SORBS3: variants seen among roughly 807,000 people sequenced by gnomAD.
SORBS3 encodes sorbin and SH3 domain containing 3.
SORBS3 carries 69 observed loss-of-function variants against 98.0 expected under a neutral mutation model. That is an observed-to-expected ratio of 0.70 (90% CI 0.58 to 0.86). The LOEUF (loss-of-function observed/expected upper bound fraction) is 0.86. SORBS3 is among the 40% of genes least tolerant of loss of function. SORBS3 has a pLI of 0.00. For synonymous variants in SORBS3, 394 were observed against 355.4 expected (o/e 1.11, Z -1.22); for missense variants, 954 against 908.5 (o/e 1.05, Z -0.64).
chr8:22,549,333 A>C (rs1237936405), upstream of SORBS3, among the ~76,000 whole-genome samples: 1 of 152,190 alleles, frequency 6.6e-6, no homozygotes, highest in African/African-American at 2.4e-5. Flanking sequence ...CTTATCTAGG[A>C]CAATCTTCCC....
intron 11 of SORBS3, 81 bp downstream of exon 11, chr8:22,565,435 T>C (rs1840387838): frequency 8.5e-7 from 1 of 1,173,774 alleles, no homozygotes; most frequent in Non-Finnish European, 1.2e-6. Flanking sequence ...GCGGCTGGGC[T>C]GGGCGGAGGA....
At chr8:22,560,056 CAAA>C (rs968530613) in intron 5 of SORBS3, among the ~76,000 whole-genome samples, 6 of 96,710 alleles carry the variant, frequency 6.2e-5, no homozygotes, top group African/African-American at 8.3e-5. Flanking sequence ...GACTCAGTCT[CAAA>C]AAAAAAAAAA....
chr8:22,552,802 C>T (rs1018769722), intron 1 of SORBS3, among the ~76,000 whole-genome samples: 2 of 152,216 alleles, frequency 1.3e-5, no homozygotes, highest in Admixed American at 1.3e-4. Context: ...CCTTCCACCC[C>T]ACCCTGCCTC....
intron 20 of SORBS3, among the ~76,000 whole-genome samples, chr8:22,572,659 G>A (rs1209055984): frequency 6.6e-6 from 1 of 152,260 alleles, no homozygotes; most frequent in Non-Finnish European, 1.5e-5. Flanking sequence ...CAAGGCCCAG[G>A]AGGAAACTGG....
chr8:22,567,305 C>T, intron 16 of SORBS3, 130 bp downstream of exon 16: 1 of 660,996 alleles, frequency 1.5e-6, no homozygotes, highest in East Asian at 2.7e-5. Flanking sequence ...CGGAACTGTC[C>T]TTGGCCCCCA....
rs1280680408 is a variant in SORBS3 at position 22,575,091 on chromosome 8, C to T, written c.*363C>T. 3 of 412,126 alleles carry T rather than the reference C, an allele frequency of 7.3e-6. No homozygotes were observed. In the East Asian group the frequency reaches 2.0e-4, roughly 27 times the overall value. The allele number at this position is 412,126 out of a possible 1,614,324, so 25.5% of individuals were successfully genotyped here. On this transcript the variant is annotated 3_prime_UTR_variant, in exon 21 of 21. Transcript: ENST00000240123. ...AGGGACCAGCTCTCCGCTTTGCCCC[C>T]ACGGGGTTCCTCTAACCAGAACCAG... is the stretch of plus-strand genomic sequence containing the variant.
chr8:22,566,672 T>G lies in SORBS3; in HGVS notation c.1102T>G (p.Ser368Ala). 1.9e-6 allele frequency: 3 copies of G among 1,608,532 alleles called. No homozygotes were observed. The highest frequency in any genetic ancestry group is 2.5e-6 in the Non-Finnish European group (3 of 1,178,354). Residue 368 changes from serine to alanine, a missense_variant, in exon 14 of 21, where the codon TCT becomes GCT. Physicochemically the swap from Ser to Ala is moderately conservative, Grantham distance 99. Coordinates refer to ENST00000240123, the MANE Select transcript of SORBS3 (RefSeq NM_005775.5). ...YPSSTRDPSA[S>A]NGGGSPARRE... ...GTGCTTCTCCACAGACCCTAGTGCC[T>G]CTAACGGAGGGGGCAGCCCAGCCAG...
At chr8:22,562,311 G>A (rs1453441637) in intron 7 of SORBS3, among the ~76,000 whole-genome samples, 2 of 152,208 alleles carry the variant, frequency 1.3e-5, no homozygotes, top group Admixed American at 6.5e-5. Flanking sequence ...TGGACCTGGC[G>A]CTGTCCACTT....
rs929829442 is a variant in SORBS3, at chr8:22,565,098, C to T, written c.817-170C>T. 11 of 1,447,318 alleles carry T rather than the reference C, an allele frequency of 7.6e-6. No homozygotes were observed. The Admixed American group carries it at 2.8e-4, about 36-fold the overall frequency. The allele number at this position is 1,447,318 out of a possible 1,614,324, so 89.7% of individuals were successfully genotyped here. On this transcript the variant is annotated intron_variant, in intron 10 of 20. Transcript: ENST00000240123. ...GGTGAGAGGCCGTGGCGGGGATGCCCTCTTGGCACCCTGGGCCACACCTCC... is the reference window on the plus strand; with the variant it reads ...GGTGAGAGGCCGTGGCGGGGATGCCTTCTTGGCACCCTGGGCCACACCTCC...
intron 11 of SORBS3, 196 bp downstream of exon 11, chr8:22,565,550 G>C: frequency 1.7e-6 from 1 of 579,588 alleles, no homozygotes; most frequent in Non-Finnish European, 2.6e-6. Flanking sequence ...GTCGACTTTC[G>C]CAAGTGACCC....
intron 3 of SORBS3, 26 bp from the exon 4 acceptor site, chr8:22,556,689 A>G: frequency 1.9e-6 from 3 of 1,610,778 alleles, no homozygotes; most frequent in Non-Finnish European, 2.5e-6. Context: ...GCCTTTCACT[A>G]ATGCTCTCCT....
chr8:22,572,384 TG>T lies in SORBS3; in HGVS notation c.1894del (p.Glu632SerfsTer98). On this transcript the variant is annotated frameshift_variant, in exon 20 of 21. Coordinates refer to ENST00000240123, the MANE Select transcript of SORBS3 (RefSeq NM_005775.5). LOFTEE classifies it high-confidence loss of function. ...TACAGGCCCCAGAACGAAGACGAGC[TG>T]GAGCTGCGCGAGGGGGACAGGGTGG... ...YQYRPQNEDE[L>X]ELREGDRVDV... 1.2e-6 allele frequency: 2 copies of T among 1,614,034 alleles called. No homozygotes were observed. The highest frequency in any genetic ancestry group is 1.7e-6 in the Non-Finnish European group (2 of 1,179,962).
At chr8:22,545,168 T>C (rs1840004211) in intron 1 of SORBS3, 1 of 152,338 alleles carries the variant, frequency 6.6e-6, no homozygotes, top group Non-Finnish European at 1.5e-5. Flanking sequence ...AGCAGTGGAT[T>C]GAGGAGGGTC....
Position 22,551,944 on chromosome 8 carries a change from C to T in SORBS3, c.-134C>T, listed in dbSNP as rs1760642979. ...TCCTTGCCCTTCCTCCTCGAGCGCC[C>T]GCGCCAGGCAGCAGCCGGGCAGGGA... On this transcript the variant is annotated 5_prime_UTR_variant, in exon 1 of 21. Coordinates refer to ENST00000240123, the MANE Select transcript of SORBS3 (RefSeq NM_005775.5). This position sits in a 1 kb window ranked among gnomAD's most constrained non-coding sequence, Gnocchi z 5.8. The T allele has an allele frequency of 1.0e-6, 1 of 985,466 alleles. No homozygotes were observed. The highest frequency in any genetic ancestry group is 1.2e-6 in the Non-Finnish European group (1 of 830,012). 61.0% of individuals were successfully genotyped at this position (985,466 alleles called of 1,614,324 possible).
upstream of SORBS3, among the ~76,000 whole-genome samples, chr8:22,547,345 A>G (rs1005387209): frequency 1.3e-5 from 2 of 151,032 alleles, no homozygotes; most frequent in African/African-American, 4.9e-5. Flanking sequence ...TTTTTATCAC[A>G]ACTTTCAGGC....
At chr8:22,550,712 C>G (rs953640706), upstream of SORBS3, among the ~76,000 whole-genome samples, 1 of 152,216 alleles carries the variant, frequency 6.6e-6, no homozygotes, top group African/African-American at 2.4e-5. Flanking sequence ...GGAAAACACT[C>G]CAAAACTCCT....
intron 6 of SORBS3, 187 bp from the exon 7 acceptor site, chr8:22,561,678 T>C (rs2469764): frequency 0.73 from 453,791 of 625,460 alleles, 165,885 homozygotes; most frequent in African/African-American, 0.88. Context: ...ATGTAGTAAA[T>C]GTCGTAAAGC....
At chr8:22,548,170 G>A (rs539787781), upstream of SORBS3, among the ~76,000 whole-genome samples, 2 of 152,262 alleles carry the variant, frequency 1.3e-5, no homozygotes, top group South Asian at 2.1e-4. Context: ...GATGAGCCAC[G>A]TCATGCCATT....
chr8:22,555,713 T>C (rs944366433), intron 3 of SORBS3, among the ~76,000 whole-genome samples: 1 of 152,102 alleles, frequency 6.6e-6, no homozygotes, highest in Non-Finnish European at 1.5e-5. Context: ...TTGCTGGGTG[T>C]GGTGGCGGGT....
Sources: allele counts gnomAD v4.1 joint callset (sites outside exome capture counted in the v4.1 genomes callset), GRCh38; gene constraint gnomAD v4.1.1; non-coding constraint Gnocchi (gnomAD v3.1); transcripts MANE v1.5; gene names NCBI Gene and HGNC (gene_info 2026-07-23, HGNC 2026-07-21).